SORCS2: variants seen among roughly 807,000 people sequenced by gnomAD.
SORCS2 encodes VPS10 domain-containing receptor SorCS2.
Under a neutral mutation model 141.6 loss-of-function variants are expected in SORCS2, and 100 were observed. The ratio of observed to expected loss-of-function variants is 0.71; its 90% confidence interval spans 0.60 to 0.83. The LOEUF (loss-of-function observed/expected upper bound fraction) is 0.83, where lower values mean the gene tolerates loss of function less well. SORCS2 is among the 40% of genes least tolerant of loss of function. SORCS2 has a pLI of 0.00. For missense variants in SORCS2, 1,646 were observed against 1,560.2 expected (o/e 1.05, Z -0.93); for synonymous variants, 789 against 676.9 (o/e 1.17, Z -2.57).
At chr4:7,431,763 C>A (rs1271859304) in intron 2 of SORCS2, 2 of 152,210 alleles carry the variant, frequency 1.3e-5, no homozygotes, top group African/African-American at 2.4e-5. Flanking sequence ...TCTGAGGCAT[C>A]CAGAATCTCA....
chr4:7,677,200 T>C (rs1334635010), intron 9 of SORCS2, among the ~76,000 whole-genome samples: 1 of 152,100 alleles, frequency 6.6e-6, no homozygotes, highest in African/African-American at 2.4e-5. Flanking sequence ...CTCGCTGCCC[T>C]CCTGGGTCCC....
intron 2 of SORCS2, among the ~76,000 whole-genome samples, chr4:7,421,592 G>T (rs74467110): frequency 0.057 from 8,506 of 149,926 alleles, 396 homozygotes; most frequent in Non-Finnish European, 0.083. Context: ...ATGGGAGTGT[G>T]GGGGGTGAGG....
chr4:7,344,138 G>T (rs1157991363), intron 1 of SORCS2, among the ~76,000 whole-genome samples: 2 of 152,246 alleles, frequency 1.3e-5, no homozygotes, highest in Non-Finnish European at 2.9e-5. Context: ...GCACCTAGAG[G>T]TGCACGTGTC....
intron 2 of SORCS2, among the ~76,000 whole-genome samples, chr4:7,491,711 C>T (rs1731325632): frequency 6.6e-6 from 1 of 152,224 alleles, no homozygotes. Context: ...GACCCATGCT[C>T]CTCTGAGCCC....
chr4:7,498,111 A>G (rs936183215), intron 2 of SORCS2, among the ~76,000 whole-genome samples: 2 of 152,074 alleles, frequency 1.3e-5, no homozygotes, highest in Non-Finnish European at 2.9e-5. Flanking sequence ...CTGCCCTTCC[A>G]CTGGGGGGCC....
chr4:7,356,516 A>G (rs1367454071), intron 1 of SORCS2, among the ~76,000 whole-genome samples: 7 of 152,160 alleles, frequency 4.6e-5, no homozygotes, highest in Admixed American at 4.6e-4. Flanking sequence ...AGAGAGAGAG[A>G]GAGATCAATC....
intron 2 of SORCS2, among the ~76,000 whole-genome samples, chr4:7,514,513 T>C (rs1215033277): frequency 6.6e-6 from 1 of 151,748 alleles, no homozygotes; most frequent in African/African-American, 2.4e-5. Context: ...GCAGAATCCC[T>C]GGTAGAGTCA....
At chr4:7,299,246 G>T (rs567542830) in intron 1 of SORCS2, among the ~76,000 whole-genome samples, 1 of 152,392 alleles carries the variant, frequency 6.6e-6, no homozygotes, top group East Asian at 1.9e-4. Context: ...GCTGTGAGCG[G>T]GTGTGGAATG....
At chr4:7,460,922 C>T (rs1038985745) in intron 2 of SORCS2, among the ~76,000 whole-genome samples, 2 of 152,082 alleles carry the variant, frequency 1.3e-5, no homozygotes, top group Non-Finnish European at 2.9e-5. Context: ...TGGGACCACA[C>T]TCAACACAGG....
chr4:7,347,288 T>A (rs751416690), intron 1 of SORCS2, among the ~76,000 whole-genome samples: 3 of 152,218 alleles, frequency 2.0e-5, no homozygotes, highest in Non-Finnish European at 4.4e-5. Flanking sequence ...TCATATGTTG[T>A]TATTGTCCAC....
intron 1 of SORCS2, among the ~76,000 whole-genome samples, chr4:7,308,186 C>A (rs1717956353): frequency 6.6e-6 from 1 of 152,168 alleles, no homozygotes; most frequent in Non-Finnish European, 1.5e-5. Flanking sequence ...CCACCCCAGG[C>A]CGAGTCCCTG....
At chr4:7,736,930 G>A (rs1712226544) in intron 25 of SORCS2, 139 bp from the exon 26 acceptor site, 6 of 1,109,708 alleles carry the variant, frequency 5.4e-6, no homozygotes, top group Non-Finnish European at 7.5e-6. Context: ...GCAAAACTTG[G>A]GGCTGGGGTA....
chr4:7,684,149 T>C (rs1197616332), intron 10 of SORCS2, among the ~76,000 whole-genome samples: 1 of 152,104 alleles, frequency 6.6e-6, no homozygotes, highest in Non-Finnish European at 1.5e-5. Context: ...CCTTCCTAGG[T>C]GCTGGGCAAC....
In SORCS2 at chr4:7,737,244, T is replaced by G. The variant is rs368832298; in HGVS notation, c.3415+72T>G. 1.2e-4 allele frequency: 181 copies of G among 1,456,580 alleles called. 1 individual carries two copies. In the African/African-American group the frequency reaches 2.2e-3, roughly 18 times the overall value. 90.2% of individuals were successfully genotyped at this position (1,456,580 alleles called of 1,614,324 possible). A position where few individuals can be genotyped will look rare whatever the true frequency, so the allele number is the denominator to read the frequency against. Reference sequence around the variant, plus strand: ...CGTCCGCCCCAAACCCACCCCGCCCTCCCACAGGCCACCCCGCTGGGCCGC... The same window carrying G: ...CGTCCGCCCCAAACCCACCCCGCCCGCCCACAGGCCACCCCGCTGGGCCGC... On this transcript the variant is annotated intron_variant, in intron 26 of 26. Coordinates refer to ENST00000507866, the MANE Select transcript of SORCS2 (RefSeq NM_020777.3).
chr4:7,241,365 G>C (rs1712683337), intron 1 of SORCS2, among the ~76,000 whole-genome samples: 1 of 152,158 alleles, frequency 6.6e-6, no homozygotes, highest in Non-Finnish European at 1.5e-5. Context: ...AGAAGGGGTG[G>C]GACATGGGCC....
At chr4:7,625,147 A>C in intron 3 of SORCS2, among the ~76,000 whole-genome samples, 1 of 152,200 alleles carries the variant, frequency 6.6e-6, no homozygotes, top group Non-Finnish European at 1.5e-5. Context: ...CATTTTAGCA[A>C]TTGTCAGGCC....
chr4:7,323,378 G>A (rs942429486), intron 1 of SORCS2, among the ~76,000 whole-genome samples: 3 of 152,194 alleles, frequency 2.0e-5, no homozygotes, highest in African/African-American at 4.8e-5. Flanking sequence ...GGGATCGAGT[G>A]AAATACAGCC....
chr4:7,196,780 C>T (rs1018162137), intron 1 of SORCS2, among the ~76,000 whole-genome samples: 13 of 151,968 alleles, frequency 8.6e-5, no homozygotes, highest in Admixed American at 2.0e-4. Context: ...TTGATGAACC[C>T]GATATTTGTG....
chr4:7,656,699 C>T (rs759667493), intron 5 of SORCS2, among the ~76,000 whole-genome samples: 4 of 152,226 alleles, frequency 2.6e-5, no homozygotes, highest in Admixed American at 2.0e-4. Flanking sequence ...CTCAGCCCCA[C>T]GCTCACCCAG....
Sources: gnomAD v4.1 joint callset for allele counts (sites outside exome capture counted in the v4.1 genomes callset) on GRCh38, gnomAD v4.1.1 for gene constraint, MANE v1.5 for transcripts, NCBI Gene and HGNC (gene_info 2026-07-23, HGNC 2026-07-21) for gene names.